The following FBN1 variants were observed in gnomAD, a reference collection of about 807,000 sequenced individuals.
FBN1 encodes the protein fibrillin-1.
Under a neutral mutation model 365.1 loss-of-function variants are expected in FBN1, and 29 were observed. The ratio of observed to expected loss-of-function variants is 0.08; its 90% CI spans 0.06 to 0.11. The LOEUF is 0.11. FBN1 is among the 10% of genes least tolerant of loss of function. FBN1 has a pLI of 1.00. For synonymous variants in FBN1, 1,210 were observed against 1,270.5 expected, an observed-to-expected ratio of 0.95 and a Z score of 1.01; for missense variants, 2,476 against 3,703.2, an observed-to-expected ratio of 0.67 and a Z score of 8.60.
intron 7 of FBN1, among the ~76,000 whole-genome samples, 177 bp downstream of exon 7, chr15:48,537,434 T>A (rs2044021876): frequency 6.6e-6 from 1 of 152,188 alleles, no homozygotes; most frequent in Non-Finnish European, 1.5e-5. Flanking sequence ...TCAGTAAGAC[T>A]TCAGCTGCTC....
intron 18 of FBN1, among the ~76,000 whole-genome samples, chr15:48,498,565 T>C (rs1403074901): frequency 6.6e-6 from 1 of 152,202 alleles, no homozygotes; most frequent in Admixed American, 6.5e-5. Flanking sequence ...CATTTTATAA[T>C]ACTGAGCACT....
At chr15:48,569,977 C>T (rs1216215909) in intron 6 of FBN1, among the ~76,000 whole-genome samples, 1 of 151,496 alleles carries the variant, frequency 6.6e-6, no homozygotes, top group African/African-American at 2.4e-5. Flanking sequence ...CTCCATGATG[C>T]TTTTTTGAAA....
chr15:48,534,588 C>CA (rs2043999469), intron 7 of FBN1, among the ~76,000 whole-genome samples: 1 of 152,088 alleles, frequency 6.6e-6, no homozygotes, highest in African/African-American at 2.4e-5. Flanking sequence ...CAGAGTTATT[C>CA]AAAAAATCTT....
At chr15:48,644,579 A>G (rs1241032557) in intron 2 of FBN1, 27 bp downstream of exon 2, 23 of 1,613,782 alleles carry the variant, frequency 1.4e-5, no homozygotes, top group Non-Finnish European at 1.7e-5. Flanking sequence ...GGAGACCCAC[A>G]CCAAAGGAGG....
intron 6 of FBN1, among the ~76,000 whole-genome samples, chr15:48,587,996 C>A (rs1054354001): frequency 2.6e-5 from 4 of 151,880 alleles, no homozygotes; most frequent in Admixed American, 2.6e-4. Flanking sequence ...ATGCTGCTTT[C>A]TGAAGAGCTG....
Position 48,526,110 on chromosome 15 carries a change from C to T in FBN1, c.988+20G>A, listed in dbSNP as rs375760654. ...AACTGACTTACACAAACCATGCATG[C>T]TGTTTGTCATTAAACCTACCTATGC... On this transcript the variant is annotated intron_variant, in intron 9 of 65. Transcript: ENST00000316623. The T allele has an allele frequency of 3.2e-5, 52 of 1,613,698 alleles. No individual in the cohort carries two copies. The highest frequency in any genetic ancestry group is 4.0e-5 in the African/African-American group (3 of 74,914).
At chr15:48,425,964 T>C in intron 58 of FBN1, 100 bp from the exon 59 acceptor site, 1 of 972,684 alleles carries the variant, frequency 1.0e-6, no homozygotes, top group Admixed American at 1.9e-5. Flanking sequence ...ATTGTGTTAC[T>C]ATATTTTGGG....
intron 63 of FBN1, among the ~76,000 whole-genome samples, chr15:48,417,436 TC>T (rs1333268676): frequency 9.0e-5 from 6 of 66,834 alleles, no homozygotes; most frequent in African/African-American, 4.7e-4. Flanking sequence ...CCCCCTCCCC[TC>T]CCCTCCCTCC....
intron 7 of FBN1, among the ~76,000 whole-genome samples, chr15:48,535,858 T>C (rs2044008522): frequency 6.6e-6 from 1 of 152,344 alleles, no homozygotes; most frequent in East Asian, 1.9e-4. Context: ...TCTCTTGATG[T>C]GTTGAATGTA....
chr15:48,416,739 C>T (rs2042905823), intron 63 of FBN1: 1 of 152,004 alleles, frequency 6.6e-6, no homozygotes, highest in South Asian at 2.1e-4. Context: ...GTAGATCTGC[C>T]TTTGCAGGGC....
intron 6 of FBN1, among the ~76,000 whole-genome samples, chr15:48,556,156 T>C (rs1470331180): frequency 6.6e-6 from 1 of 152,196 alleles, no homozygotes; most frequent in East Asian, 1.9e-4. Context: ...CTTAATGGGG[T>C]AAGGCTGTAG....
At chr15:48,432,733 A>T (rs2043033105) in intron 55 of FBN1, 133 bp downstream of exon 55, 1 of 1,189,196 alleles carries the variant, frequency 8.4e-7, no homozygotes, top group Non-Finnish European at 1.2e-6. Context: ...CGTGGCAGTG[A>T]CAACCCCCGT....
intron 45 of FBN1, among the ~76,000 whole-genome samples, chr15:48,449,293 T>G (rs117011465): frequency 0.026 from 3,891 of 152,326 alleles, 81 homozygotes; most frequent in East Asian, 0.083. Flanking sequence ...GCTTCCTTTG[T>G]AAATTTATAT....
chr15:48,622,086 A>G (rs1889780961), intron 2 of FBN1, among the ~76,000 whole-genome samples: 1 of 152,236 alleles, frequency 6.6e-6, no homozygotes, highest in South Asian at 2.1e-4. Context: ...TAAAGTGTCC[A>G]GAGTATATGG....
Position 48,581,324 on chromosome 15 carries a change from C to A in FBN1, c.538+14959G>T, listed in dbSNP as rs149103324. Among the ~76,000 whole-genome samples the A allele has an allele frequency of 6.8e-3, 1,038 of 152,230 alleles. 16 individuals are homozygous for A. The highest frequency in any genetic ancestry group is 0.024 in the African/African-American group (990 of 41,546). On this transcript the variant is annotated intron_variant, in intron 6 of 65. Transcript: ENST00000316623. ...AAAACAAAGAGGTCATAAAAGAAAA[C>A]CAATTCTCAACTCTTCCTGGAATAC... is the stretch of plus-strand genomic sequence containing the variant.
At chr15:48,429,798 G>A (rs1247581866) in intron 56 of FBN1, among the ~76,000 whole-genome samples, 2 of 152,048 alleles carry the variant, frequency 1.3e-5, no homozygotes, top group Non-Finnish European at 2.9e-5. Flanking sequence ...AGAGTAAAAG[G>A]GCAATGGGAT....
At chr15:48,467,806 A>G in intron 38 of FBN1, 132 bp downstream of exon 38, 1 of 837,668 alleles carries the variant, frequency 1.2e-6, no homozygotes, top group Non-Finnish European at 2.0e-6. Context: ...ATTGGGAATA[A>G]GGTCCCCTCT....
chr15:48,451,385 C>T (rs1287493378), intron 45 of FBN1, among the ~76,000 whole-genome samples: 1 of 152,176 alleles, frequency 6.6e-6, no homozygotes, highest in East Asian at 1.9e-4. Flanking sequence ...ATTTTTAATA[C>T]ATGGATAGCA....
At chr15:48,501,796 G>C (rs1448517130) in intron 17 of FBN1, among the ~76,000 whole-genome samples, 1 of 152,094 alleles carries the variant, frequency 6.6e-6, no homozygotes, top group Non-Finnish European at 1.5e-5. Context: ...AAGTAGGTAA[G>C]TAAAGTACTT....
Sources: allele counts gnomAD v4.1 joint callset (sites outside exome capture counted in the v4.1 genomes callset), GRCh38; gene constraint gnomAD v4.1.1; transcripts MANE v1.5; gene names NCBI Gene and HGNC (gene_info 2026-07-23, HGNC 2026-07-21).